HGD: variants seen among roughly 807,000 people sequenced by gnomAD.
The protein encoded by HGD is homogentisate oxidase.
A neutral mutation model predicts 60.8 loss-of-function variants in HGD; 61 were observed. That is an observed-to-expected ratio of 1.00 (90% CI 0.82 to 1.24). HGD has a LOEUF of 1.24. Ranked by LOEUF, HGD falls within the 50% of genes most tolerant of loss-of-function variation. The pLI is 0.00. For synonymous variants in HGD, 212 were observed against 187.7 expected, an observed-to-expected ratio of 1.13 and a Z score of -1.06; for missense variants, 542 against 547.1, an observed-to-expected ratio of 0.99 and a Z score of 0.09.
In HGD at chr3:120,652,655, GA is replaced by G. The variant is rs777429123; in HGVS notation, c.283-5del. On this transcript the variant is annotated splice_region_variant and splice_polypyrimidine_tract_variant and intron_variant, in intron 4 of 13. Transcript: ENST00000283871. Reference sequence around the variant, plus strand: ...TCTCAAATGGTTTCCATCTAAGCTGGAAAAAAAATACACATACAGAAAAATT... The same window carrying G: ...TCTCAAATGGTTTCCATCTAAGCTGGAAAAAAATACACATACAGAAAAATT... The G allele has an allele frequency of 4.8e-5, 77 of 1,606,168 alleles. No homozygotes were observed. The highest frequency in any genetic ancestry group is 3.7e-4 in the Admixed American group (22 of 59,912).
intron 4 of HGD, among the ~76,000 whole-genome samples, chr3:120,657,974 T>C (rs985427168): frequency 4.6e-5 from 7 of 152,154 alleles, no homozygotes; most frequent in African/African-American, 1.7e-4. Flanking sequence ...CATGAGAAAC[T>C]GTCCCCAAGA....
At chr3:120,633,056 C>G in intron 13 of HGD, 91 bp downstream of exon 13, 1 of 1,148,750 alleles carries the variant, frequency 8.7e-7, no homozygotes, top group Non-Finnish European at 1.3e-6. Flanking sequence ...GACTCTTCCT[C>G]TGTGACTTTG....
At chr3:120,656,312 T>C (rs1021075313) in intron 4 of HGD, among the ~76,000 whole-genome samples, 6 of 152,214 alleles carry the variant, frequency 3.9e-5, no homozygotes, top group African/African-American at 1.4e-4. Context: ...TTGATCAGAC[T>C]AATATAGTCC....
intron 4 of HGD, among the ~76,000 whole-genome samples, chr3:120,665,228 G>A (rs1245781005): frequency 6.6e-6 from 1 of 152,140 alleles, no homozygotes; most frequent in African/African-American, 2.4e-5. Context: ...GAGACAGAAG[G>A]CATTTTATGA....
At chr3:120,630,825 T>TATATACAC (rs1491569082) in intron 13 of HGD, among the ~76,000 whole-genome samples, 3,031 of 103,972 alleles carry the variant, frequency 0.029, 64 homozygotes, top group African/African-American at 0.046. Context: ...TATATATATA[T>TATATACAC]ACACATACAC....
At chr3:120,635,476 CAAAAAAA>C (rs149923580) in intron 12 of HGD, among the ~76,000 whole-genome samples, 2 of 64,438 alleles carry the variant, frequency 3.1e-5, no homozygotes, top group Admixed American at 4.1e-4. Flanking sequence ...GATTCCGTCT[CAAAAAAA>C]AAAAAAAAAA....
At chr3:120,677,030 G>A (rs1170340479) in intron 1 of HGD, among the ~76,000 whole-genome samples, 1 of 152,146 alleles carries the variant, frequency 6.6e-6, no homozygotes, top group Non-Finnish European at 1.5e-5. Flanking sequence ...AAGATTTCAT[G>A]GACACTTATC....
intron 1 of HGD, chr3:120,677,903 C>T (rs1576321368): frequency 6.6e-6 from 1 of 152,140 alleles, no homozygotes; most frequent in Non-Finnish European, 1.5e-5. Flanking sequence ...AAAGAACCTA[C>T]GTGAATATTG....
At chr3:120,664,335 T>C (rs1300446487) in intron 4 of HGD, among the ~76,000 whole-genome samples, 2 of 152,164 alleles carry the variant, frequency 1.3e-5, no homozygotes, top group Non-Finnish European at 2.9e-5. Context: ...ATATATTGGA[T>C]ACTGTTTAAT....
Position 120,670,301 on chromosome 3 carries a change from T to C in HGD, c.282+126A>G, listed in dbSNP as rs1391744190. 3.5e-5 allele frequency: 25 copies of C among 707,564 alleles called. No homozygotes were observed. The South Asian group carries it at 3.8e-4, about 11-fold the overall frequency. The allele number at this position is 707,564 out of a possible 1,614,324, so 43.8% of individuals were successfully genotyped here. ...GTTTGAGCAGAAAACAGACACACTT[T>C]AGCATTTATTAAAATAATACTTTAA... is the stretch of plus-strand genomic sequence containing the variant. On this transcript the variant is annotated intron_variant, in intron 4 of 13. Coordinates refer to ENST00000283871, the MANE Select transcript of HGD (RefSeq NM_000187.4).
rs150867831 is a variant in HGD at position 120,637,890 on chromosome 3, A to C, written c.1006+565T>G. Among the ~76,000 whole-genome samples the C allele has an allele frequency of 5.1e-3, 769 of 152,056 alleles. 2 individuals are homozygous for C. The highest frequency in any genetic ancestry group is 0.018 in the African/African-American group (739 of 41,466). ...GTAGTTTGGATGTATGTTCCCTCCAACTCTCATGTTGAAATGTGATCCCCA... is the reference window on the plus strand; with the variant it reads ...GTAGTTTGGATGTATGTTCCCTCCACCTCTCATGTTGAAATGTGATCCCCA... On this transcript the variant is annotated intron_variant, in intron 12 of 13. Coordinates refer to ENST00000283871, the MANE Select transcript of HGD (RefSeq NM_000187.4).
chr3:120,678,632 C>T (rs1708176625), intron 1 of HGD, among the ~76,000 whole-genome samples: 1 of 152,174 alleles, frequency 6.6e-6, no homozygotes, highest in African/African-American at 2.4e-5. Flanking sequence ...TGGAAGGGAG[C>T]CACCAAGCAC....
intron 12 of HGD, among the ~76,000 whole-genome samples, chr3:120,636,642 C>A (rs1940792763): frequency 1.3e-5 from 2 of 152,180 alleles, no homozygotes; most frequent in African/African-American, 4.8e-5. Context: ...TTAGAAACGA[C>A]TTATGATGCT....
intron 4 of HGD, among the ~76,000 whole-genome samples, chr3:120,668,123 TGG>T (rs1376626405): frequency 6.6e-6 from 1 of 152,180 alleles, no homozygotes; most frequent in Non-Finnish European, 1.5e-5. Flanking sequence ...ATAGGCCAGC[TGG>T]GGACCAGGGA....
chr3:120,644,346 G>A lies in HGD; in HGVS notation c.747C>T (p.Tyr249=). ...VPGGYTVINK[Y]QGKLFAAKQD... ...GTTTGGCAGCAAACAGCTTGCCCTG[G>A]TATTTATTAATGACCGTGTAACCAC... Residue 249 remains tyrosine, a synonymous_variant, in exon 10 of 14, where the codon TAC becomes TAT. Transcript: ENST00000283871. The A allele has an allele frequency of 6.2e-7, 1 of 1,614,068 alleles. No individual in the cohort carries two copies. The highest frequency in any genetic ancestry group is 8.5e-7 in the Non-Finnish European group (1 of 1,180,012).
Position 120,650,821 on chromosome 3 carries a change from A to G in HGD, c.387T>C (p.Asn129=). ...AGAGGAAAATGTGGATAGCAAGCCC[A>G]TTGTTAGACTTTATGTCTCCAGCTC... is the stretch of plus-strand genomic sequence containing the variant. ...LCGAGDIKSN[N]GLAIHIFLCN... Residue 129 remains asparagine (N), a synonymous_variant, in exon 6 of 14, where the codon AAT becomes AAC. Transcript: ENST00000283871. The G allele has an allele frequency of 6.2e-7, 1 of 1,614,128 alleles. No individual in the cohort carries two copies. The highest frequency in any genetic ancestry group is 8.5e-7 in the Non-Finnish European group (1 of 1,179,960).
chr3:120,633,678 C>T lies in HGD; in HGVS notation c.1007-350G>A, dbSNP rs7625503. ...GAATGTACTCTATCATCTAAGCTTA[C>T]GAGCCCTGTATCAAAGTTATCTTAT... On this transcript the variant is annotated intron_variant, in intron 12 of 13. Coordinates refer to ENST00000283871, the MANE Select transcript of HGD (RefSeq NM_000187.4). The T allele has an allele frequency of 7.7e-5, 84 of 1,085,494 alleles. No individual in the cohort carries two copies. In the Admixed American group the frequency reaches 1.0e-3, roughly 13 times the overall value. The allele number at this position is 1,085,494 out of a possible 1,614,324, so 67.2% of individuals were successfully genotyped here. A position where few individuals can be genotyped will look rare whatever the true frequency, so the allele number is the denominator to read the frequency against.
chr3:120,680,112 C>A (rs1196152971), intron 1 of HGD, among the ~76,000 whole-genome samples: 1 of 152,104 alleles, frequency 6.6e-6, no homozygotes, highest in South Asian at 2.1e-4. Context: ...ATGAGGAAAC[C>A]AAGGTTGGGA....
chr3:120,660,129 A>G (rs67711778), intron 4 of HGD, among the ~76,000 whole-genome samples: 71,226 of 151,904 alleles, frequency 0.47, 17,561 homozygotes, highest in East Asian at 0.63. Flanking sequence ...GCCTTCCACC[A>G]TGATTGGAAG....
Sources: allele counts gnomAD v4.1 joint callset (sites outside exome capture counted in the v4.1 genomes callset), GRCh38; gene constraint gnomAD v4.1.1; transcripts MANE v1.5; gene names NCBI Gene and HGNC (gene_info 2026-07-23, HGNC 2026-07-21).